The following GAS2 variants were observed in gnomAD, a reference collection of about 807,000 sequenced individuals.
The protein encoded by GAS2 is growth arrest specific 2, also known as growth arrest-specific protein 2.
In GAS2, 20 loss-of-function variants were observed where a neutral mutation model predicts 37.5. That is an observed-to-expected ratio of 0.53 (90% confidence interval 0.37 to 0.77). The LOEUF is 0.77. GAS2 is among the 30% of genes least tolerant of loss of function. The pLI is 0.00. For missense variants in GAS2, 336 were observed against 373.4 expected (o/e 0.90, Z 0.82); for synonymous variants, 144 against 132.2 (o/e 1.09, Z -0.61).
At chr11:22,634,017 C>T (rs1858784367) in intron 1 of GAS2, among the ~76,000 whole-genome samples, 1 of 152,144 alleles carries the variant, frequency 6.6e-6, no homozygotes, top group Non-Finnish European at 1.5e-5. Flanking sequence ...GTGTATTAGT[C>T]TGTTTTCAAA....
At chr11:22,650,878 C>T (rs1848766920) in intron 1 of GAS2, among the ~76,000 whole-genome samples, 1 of 151,074 alleles carries the variant, frequency 6.6e-6, no homozygotes, top group African/African-American at 2.4e-5. Flanking sequence ...ATCCAATTTG[C>T]CAGTCTGTGT....
intron 3 of GAS2, among the ~76,000 whole-genome samples, chr11:22,703,567 A>C (rs1179081269): frequency 6.6e-6 from 1 of 152,198 alleles, no homozygotes; most frequent in East Asian, 1.9e-4. Flanking sequence ...ATTTGGGGGA[A>C]AGAGTTGCTT....
At chr11:22,785,145 T>G (rs533565680) in intron 7 of GAS2, among the ~76,000 whole-genome samples, 2 of 152,140 alleles carry the variant, frequency 1.3e-5, no homozygotes, top group South Asian at 2.1e-4. Flanking sequence ...CTAAGCCCGA[T>G]GTACTCTCCC....
At chr11:22,709,463 C>T (rs1851290373) in intron 3 of GAS2, among the ~76,000 whole-genome samples, 1 of 152,106 alleles carries the variant, frequency 6.6e-6, no homozygotes, top group Non-Finnish European at 1.5e-5. Flanking sequence ...CTTTCTAGGA[C>T]ATCTTATTTA....
At chr11:22,698,496 G>A (rs530080667) in intron 3 of GAS2, among the ~76,000 whole-genome samples, 359 of 151,922 alleles carry the variant, frequency 2.4e-3, no homozygotes, top group Middle Eastern at 6.8e-3. Flanking sequence ...AGAAAAAGAG[G>A]GAATCCTCCC....
At chr11:22,792,905 T>G (rs368021734) in intron 7 of GAS2, among the ~76,000 whole-genome samples, 9 of 152,278 alleles carry the variant, frequency 5.9e-5, no homozygotes, top group African/African-American at 2.2e-4. Context: ...AAGGAAGACT[T>G]TGGAATTCAG....
intron 3 of GAS2, among the ~76,000 whole-genome samples, chr11:22,696,570 G>C (rs983994316): frequency 3.9e-5 from 6 of 152,196 alleles, no homozygotes; most frequent in African/African-American, 1.2e-4. Context: ...CAGTGTAAAA[G>C]TGTTCCTACT....
In GAS2 at chr11:22,735,142, C is replaced by CCTTTCT. The variant is rs896704064; in HGVS notation, c.410-2560_410-2555dup. ...TTACAAGGCATTGTAGTCACTAAGT[C>CCTTTCT]CTTTCTCTGTTCTAAGTATTGCATT... On this transcript the variant is annotated intron_variant, in intron 4 of 7. Coordinates refer to ENST00000454584, the MANE Select transcript of GAS2 (RefSeq NM_001143830.3). 3.6e-4 allele frequency among the ~76,000 whole-genome samples: 54 copies of CCTTTCT among 151,434 alleles called. 1 individual carries two copies. Among genetic ancestry groups the CCTTTCT allele is most frequent in the African/African-American group, 1.3e-3 (52 of 41,426 alleles).
intron 7 of GAS2, among the ~76,000 whole-genome samples, chr11:22,789,350 A>G (rs1406757384): frequency 1.5e-5 from 2 of 134,450 alleles, no homozygotes; most frequent in Non-Finnish European, 3.2e-5. Context: ...ACACACACAT[A>G]GGCATACATA....
chr11:22,644,957 C>A (rs971245743), intron 1 of GAS2, among the ~76,000 whole-genome samples: 6 of 152,142 alleles, frequency 3.9e-5, no homozygotes, highest in African/African-American at 1.4e-4. Flanking sequence ...TGAAATGTGT[C>A]TTCACCTTCC....
chr11:22,705,887 T>C (rs1241100695), intron 3 of GAS2, among the ~76,000 whole-genome samples: 10 of 152,100 alleles, frequency 6.6e-5, no homozygotes, highest in Admixed American at 5.9e-4. Context: ...GTACAAAGGA[T>C]ATTTTAGATT....
intron 7 of GAS2, among the ~76,000 whole-genome samples, chr11:22,762,465 T>C (rs1854444894): frequency 6.6e-6 from 1 of 152,186 alleles, no homozygotes; most frequent in African/African-American, 2.4e-5. Flanking sequence ...AAGCCGTGAC[T>C]TGCCAAACCT....
chr11:22,652,205 T>G (rs1848784990), intron 1 of GAS2, among the ~76,000 whole-genome samples: 1 of 152,168 alleles, frequency 6.6e-6, no homozygotes, highest in Non-Finnish European at 1.5e-5. Context: ...GTGCCCCTGC[T>G]GGGGGTGCCT....
intron 1 of GAS2, among the ~76,000 whole-genome samples, chr11:22,656,614 G>C (rs1467691194): frequency 6.6e-6 from 1 of 152,046 alleles, no homozygotes; most frequent in Non-Finnish European, 1.5e-5. Flanking sequence ...ACAATCAAAA[G>C]GTAAAGCAGC....
intron 7 of GAS2, among the ~76,000 whole-genome samples, chr11:22,800,676 C>A (rs1856623227): frequency 6.6e-6 from 1 of 152,022 alleles, no homozygotes. Context: ...AGATTTGTCA[C>A]TGTCATCCTG....
chr11:22,634,730 G>A (rs753731480), intron 1 of GAS2, among the ~76,000 whole-genome samples: 38 of 152,136 alleles, frequency 2.5e-4, no homozygotes, highest in Non-Finnish European at 5.0e-4. Flanking sequence ...TCCAGTGATA[G>A]GACCTGTTCT....
chr11:22,681,768 A>G (rs1413601066), intron 2 of GAS2, among the ~76,000 whole-genome samples: 1 of 152,154 alleles, frequency 6.6e-6, no homozygotes, highest in Non-Finnish European at 1.5e-5. Flanking sequence ...GAGAAAGTGT[A>G]ATTATTTCTA....
At chr11:22,792,372 T>C (rs1856208188) in intron 7 of GAS2, among the ~76,000 whole-genome samples, 1 of 152,138 alleles carries the variant, frequency 6.6e-6, no homozygotes, top group African/African-American at 2.4e-5. Flanking sequence ...AACAGACCTG[T>C]GCACACACAT....
chr11:22,759,449 T>A (rs1374676870), intron 7 of GAS2, among the ~76,000 whole-genome samples: 2 of 152,252 alleles, frequency 1.3e-5, no homozygotes, highest in Non-Finnish European at 2.9e-5. Context: ...GAAAACATCC[T>A]AATAATCCAT....
Sources: allele counts gnomAD v4.1 joint callset (sites outside exome capture counted in the v4.1 genomes callset), GRCh38; gene constraint gnomAD v4.1.1; transcripts MANE v1.5; gene names NCBI Gene and HGNC (gene_info 2026-07-23, HGNC 2026-07-21).